Variants in PARP12 observed in about 807,000 individuals in gnomAD.
The protein encoded by PARP12 is poly(ADP-ribose) polymerase family member 12, also known as protein mono-ADP-ribosyltransferase PARP12.
PARP12 carries 59 observed loss-of-function variants against 72.4 expected under a neutral mutation model. That is an observed-to-expected ratio of 0.81 (90% CI 0.66 to 1.01). PARP12 has a LOEUF of 1.01. Ranked by LOEUF, PARP12 falls within the 50% of genes least tolerant of loss-of-function variation. The probability of loss-of-function intolerance (pLI) is 0.00; values close to 1 mark genes in which losing one functional copy is unlikely to be tolerated. For missense variants in PARP12, 851 were observed against 914.0 expected (o/e 0.93, Z 0.89); for synonymous variants, 403 against 371.4 (o/e 1.09, Z -0.98).
chr7:140,029,342 T>C (rs913125128), intron 8 of PARP12, among the ~76,000 whole-genome samples: 1 of 152,240 alleles, frequency 6.6e-6, no homozygotes, highest in Non-Finnish European at 1.5e-5. Context: ...AAAAGACATA[T>C]GGATCAAGGG....
chr7:140,036,375 C>T (rs2116554223), intron 7 of PARP12, among the ~76,000 whole-genome samples: 1 of 152,294 alleles, frequency 6.6e-6, no homozygotes, highest in East Asian at 1.9e-4. Context: ...TCTCACTGGT[C>T]CCCTCTCATG....
chr7:140,047,090 T>C, intron 4 of PARP12, 83 bp from the exon 5 acceptor site: 2 of 1,452,004 alleles, frequency 1.4e-6, no homozygotes, highest in Admixed American at 2.4e-5. Context: ...GGTGTGGTGC[T>C]GCCCACTGAC....
chr7:140,062,055 G>A (rs1817474803), intron 1 of PARP12, among the ~76,000 whole-genome samples: 1 of 151,814 alleles, frequency 6.6e-6, no homozygotes, highest in Admixed American at 6.6e-5. Context: ...GACCTTGTGG[G>A]CGATGGCAGG....
chr7:140,059,361 T>TACACACACACACAC (rs36173318), intron 1 of PARP12, among the ~76,000 whole-genome samples: 1 of 148,376 alleles, frequency 6.7e-6, no homozygotes, highest in African/African-American at 2.5e-5. Flanking sequence ...CAGGCGTGTA[T>TACACACACACACAC]ACACACACAC....
intron 11 of PARP12, among the ~76,000 whole-genome samples, chr7:140,025,924 T>C (rs1243438116): frequency 6.6e-6 from 1 of 152,180 alleles, no homozygotes; most frequent in African/African-American, 2.4e-5. Context: ...TCCTCTCCCG[T>C]CTCTGTCACC....
Position 140,062,848 on chromosome 7 carries a change from G to A in PARP12, c.-1C>T. The A allele has an allele frequency of 7.5e-7, 1 of 1,330,824 alleles. No homozygotes were observed. Among genetic ancestry groups the A allele is most frequent in the African/African-American group, 1.5e-5 (1 of 65,034 alleles). The allele number at this position is 1,330,824 out of a possible 1,614,324, so 82.4% of individuals were successfully genotyped here. A position where few individuals can be genotyped will look rare whatever the true frequency, so the allele number is the denominator to read the frequency against. On this transcript the variant is annotated 5_prime_UTR_variant, in exon 1 of 12. Coordinates refer to ENST00000263549, the MANE Select transcript of PARP12 (RefSeq NM_022750.4). ...CACCGACGACGCCGGCCTGGGCCAT[G>A]GCCGCTGGGCCTGCTCCCGTCGGAC...
At chr7:140,055,224 G>A (rs1817132228) in intron 3 of PARP12, among the ~76,000 whole-genome samples, 1 of 152,088 alleles carries the variant, frequency 6.6e-6, no homozygotes, top group Non-Finnish European at 1.5e-5. Flanking sequence ...GGCAAACAGA[G>A]GGCTAATTTT....
chr7:140,054,543 C>A, intron 4 of PARP12, 119 bp downstream of exon 4: 1 of 807,118 alleles, frequency 1.2e-6, no homozygotes, highest in Non-Finnish European at 2.0e-6. Flanking sequence ...AAGTGCCAAG[C>A]CCTGATCCTC....
At chr7:140,039,305 CAGAG>C (rs903008191) in intron 6 of PARP12, among the ~76,000 whole-genome samples, 18 of 152,176 alleles carry the variant, frequency 1.2e-4, no homozygotes, top group African/African-American at 2.7e-4. Context: ...GTCAGGGAAA[CAGAG>C]AGGAGAAGCA....
intron 5 of PARP12, among the ~76,000 whole-genome samples, chr7:140,042,725 T>C (rs1816536060): frequency 6.6e-6 from 1 of 152,166 alleles, no homozygotes; most frequent in Non-Finnish European, 1.5e-5. Flanking sequence ...TAATGTTGGT[T>C]CTGGATAAAG....
Position 140,041,760 on chromosome 7 carries a change from C to T in PARP12, c.1066G>A (p.Ala356Thr), listed in dbSNP as rs751190185. The change falls in exon 6 of 12, where the codon GCT (alanine) becomes ACT (threonine). Residue 356 changes from alanine (A) to threonine (T), a missense_variant. By Grantham distance (58) the Ala-to-Thr change is moderately conservative (BLOSUM62 0). Coordinates refer to ENST00000263549, the MANE Select transcript of PARP12 (RefSeq NM_022750.4). ...FNAMTYGATQ[A>T]RRLSTASSVT... ...GAGGAGGCCGTGGAGAGGCGGCGAG[C>T]CTGGGTAGCACCGTAAGTCATGGCG... The T allele has an allele frequency of 8.1e-6, 13 of 1,613,920 alleles. No individual in the cohort carries two copies. The East Asian group carries it at 2.9e-4, about 36-fold the overall frequency.
Position 140,062,852 on chromosome 7 carries a change from G to C in PARP12, c.-5C>G. On this transcript the variant is annotated 5_prime_UTR_variant, in exon 1 of 12. Transcript: ENST00000263549. Reference sequence around the variant, plus strand: ...GACGACGCCGGCCTGGGCCATGGCCGCTGGGCCTGCTCCCGTCGGACCGCG... The same window carrying C: ...GACGACGCCGGCCTGGGCCATGGCCCCTGGGCCTGCTCCCGTCGGACCGCG... 1 of 1,323,618 alleles carries C rather than the reference G, an allele frequency of 7.6e-7. No individual in the cohort carries two copies. The highest frequency in any genetic ancestry group is 9.6e-7 in the Non-Finnish European group (1 of 1,038,230). 82.0% of individuals were successfully genotyped at this position (1,323,618 alleles called of 1,614,324 possible).
intron 3 of PARP12, among the ~76,000 whole-genome samples, chr7:140,055,249 A>T (rs1005663999): frequency 6.6e-6 from 1 of 152,230 alleles, no homozygotes; most frequent in Admixed American, 6.5e-5. Context: ...ACTAGATTTG[A>T]AGCTATATAG....
At chr7:140,054,291 T>C (rs2116648875) in intron 4 of PARP12, among the ~76,000 whole-genome samples, 1 of 152,240 alleles carries the variant, frequency 6.6e-6, no homozygotes, top group South Asian at 2.1e-4. Context: ...TCCTTTCCAG[T>C]TTCTAAGGGA....
chr7:140,032,955 AATAATT>A (rs1815998554), intron 8 of PARP12, among the ~76,000 whole-genome samples: 1 of 152,048 alleles, frequency 6.6e-6, no homozygotes, highest in Non-Finnish European at 1.5e-5. Flanking sequence ...CAATAATAAT[AATAATT>A]ATTATTTTTG....
chr7:140,037,884 A>G (rs1816281033), intron 6 of PARP12, 28 bp from the exon 7 acceptor site: 2 of 1,594,386 alleles, frequency 1.3e-6, no homozygotes, highest in African/African-American at 1.3e-5. Context: ...ACACTTTATG[A>G]AGGCAAGAAA....
chr7:140,058,068 A>T, intron 1 of PARP12, 34 bp from the exon 2 acceptor site: 1 of 1,612,644 alleles, frequency 6.2e-7, no homozygotes, highest in Non-Finnish European at 8.5e-7. Flanking sequence ...TATATGTCGA[A>T]TTGAGTCTCC....
chr7:140,051,918 G>A (rs1816978133), intron 4 of PARP12, among the ~76,000 whole-genome samples: 3 of 152,198 alleles, frequency 2.0e-5, no homozygotes, highest in African/African-American at 7.2e-5. Context: ...ATAAGCAGAT[G>A]TTATTGCTCT....
rs545441148 is a variant in PARP12, at chr7:140,034,132, C to T, written c.1421+103G>A. 2.0e-3 allele frequency: 2,872 copies of T among 1,463,974 alleles called. 5 individuals carry two copies. Among genetic ancestry groups the T allele is most frequent in the Non-Finnish European group, 2.4e-3 (2,684 of 1,098,458 alleles). The allele number at this position is 1,463,974 out of a possible 1,614,324, so 90.7% of individuals were successfully genotyped here. A position where few individuals can be genotyped will look rare whatever the true frequency, so the allele number is the denominator to read the frequency against. ...GTGTGGGAGCACTTCGTTGTACAAGCCAACGGTGCCCGGGTGCTGTCTGAG... is the reference window on the plus strand; with the variant it reads ...GTGTGGGAGCACTTCGTTGTACAAGTCAACGGTGCCCGGGTGCTGTCTGAG... On this transcript the variant is annotated intron_variant, in intron 8 of 11. Coordinates refer to ENST00000263549, the MANE Select transcript of PARP12 (RefSeq NM_022750.4).
Sources: gnomAD v4.1 joint callset for allele counts (sites outside exome capture counted in the v4.1 genomes callset) on GRCh38, gnomAD v4.1.1 for gene constraint, MANE v1.5 for transcripts, NCBI Gene and HGNC (gene_info 2026-07-23, HGNC 2026-07-21) for gene names.